Variants in PUS7L observed in about 807,000 individuals in gnomAD.
PUS7L encodes the protein pseudouridylate synthase PUS7L.
A neutral mutation model predicts 51.1 loss-of-function variants in PUS7L; 49 were observed. The observed-to-expected ratio is 0.96, with a 90% CI of 0.76 to 1.22. The LOEUF is 1.22. Among genes scored for constraint, PUS7L ranks in the 50% most tolerant of loss-of-function variants. The pLI, the probability that PUS7L is intolerant of heterozygous loss-of-function variation, is 0.00. For synonymous variants in PUS7L, 277 were observed against 276.2 expected (o/e 1.00, Z -0.03); for missense variants, 828 against 820.6 (o/e 1.01, Z -0.11).
rs954989437 is a variant in PUS7L, at chr12:43,742,548, C to T, written c.1271G>A (p.Gly424Asp). 3 of 1,596,910 alleles carry T rather than the reference C, an allele frequency of 1.9e-6. No individual in the cohort carries two copies. Among genetic ancestry groups the T allele is most frequent in the East Asian group, 2.3e-5 (1 of 44,430 alleles). ...MEAIENVKKK[G>D]FVNYYGPQRF... is the part of the protein sequence containing the mutation. ...CTGTGGTCCATAGTAATTCACAAAGCCTTTTTTCTATGTATACAAAATAAT... is the reference window on the plus strand; with the variant it reads ...CTGTGGTCCATAGTAATTCACAAAGTCTTTTTTCTATGTATACAAAATAAT... Residue 424 changes from glycine to aspartate, a missense_variant, in exon 5 of 9, where the codon GGC becomes GAC. Gly to Asp is a moderately conservative substitution (Grantham distance 94). Coordinates refer to ENST00000344862, the MANE Select transcript of PUS7L (RefSeq NM_031292.5).
chr12:43,754,236 T>C, intron 2 of PUS7L, 100 bp downstream of exon 2: 1 of 795,474 alleles, frequency 1.3e-6, no homozygotes, highest in South Asian at 2.1e-5. Context: ...AAATCATATA[T>C]TCTTTCCAAT....
chr12:43,730,808 C>G, intron 8 of PUS7L, 106 bp from the exon 9 acceptor site: 1 of 698,200 alleles, frequency 1.4e-6, no homozygotes, highest in Non-Finnish European at 2.4e-6. Flanking sequence ...TAAAAATAGT[C>G]TCAGAATATA....
Position 43,719,528 on chromosome 12 carries a change from A to ACT in PUS7L, c.*10847_*10848insAG, listed in dbSNP as rs1367427008. 6.6e-6 allele frequency: 1 copy of ACT among 152,130 alleles called. No individual in the cohort carries two copies. The highest frequency in any genetic ancestry group is 6.5e-5 in the Admixed American group (1 of 15,280). 9.4% of individuals were successfully genotyped at this position (152,130 alleles called of 1,614,324 possible). A position where few individuals can be genotyped will look rare whatever the true frequency, so the allele number is the denominator to read the frequency against. ...CTTCTTTATTTTTTCTAATCTCAGGAAAGTTTGTGTAGACTTGAATTATTA... is the reference window on the plus strand; with the variant it reads ...CTTCTTTATTTTTTCTAATCTCAGGACTAAGTTTGTGTAGACTTGAATTATTA... On this transcript the variant is annotated 3_prime_UTR_variant, in exon 9 of 9. Coordinates refer to ENST00000344862, the MANE Select transcript of PUS7L (RefSeq NM_031292.5).
intron 7 of PUS7L, among the ~76,000 whole-genome samples, chr12:43,732,113 C>T (rs1049755892): frequency 2.0e-5 from 3 of 151,920 alleles, no homozygotes; most frequent in Non-Finnish European, 2.9e-5. Context: ...ACCCACTACC[C>T]ACCCCCACTA....
At chr12:43,756,619 C>G (rs139412152) in intron 1 of PUS7L, among the ~76,000 whole-genome samples, 17 of 152,188 alleles carry the variant, frequency 1.1e-4, no homozygotes, top group African/African-American at 3.4e-4. Flanking sequence ...TGTCTTGGAC[C>G]CTCAAGTCCT....
At chr12:43,735,076 G>A (rs1049082988) in intron 7 of PUS7L, among the ~76,000 whole-genome samples, 2 of 152,140 alleles carry the variant, frequency 1.3e-5, no homozygotes, top group East Asian at 3.9e-4. Flanking sequence ...AGCACTTTGG[G>A]AGGCCGAGGC....
In PUS7L at chr12:43,754,913, G is replaced by T. The variant is rs765288836; in HGVS notation, c.333C>A (p.Ile111=). The change falls in exon 2 of 9, where the codon ATC becomes ATA. Residue 111 remains isoleucine, a synonymous_variant. Transcript: ENST00000344862. ...CTTCACATTTGGAAGTTCCATCAAC[G>T]ATAGTATCTTCCTTTTCTGAACCAG... ...HQSGSEKEDT[I]VDGTSKCEEK... The T allele has an allele frequency of 6.2e-7, 1 of 1,613,576 alleles. No homozygotes were observed. Among genetic ancestry groups the T allele is most frequent in the African/African-American group, 1.3e-5 (1 of 74,880 alleles).
At chr12:43,735,547 A>G (rs1249637282) in intron 7 of PUS7L, among the ~76,000 whole-genome samples, 1 of 151,984 alleles carries the variant, frequency 6.6e-6, no homozygotes, top group Admixed American at 6.6e-5. Context: ...TACCATTATA[A>G]AAATCATATT....
In PUS7L at chr12:43,748,555, G is replaced by C; in HGVS notation, c.965C>G (p.Ala322Gly). The change falls in exon 3 of 9, where the codon GCT (alanine) becomes GGT (glycine). Residue 322 changes from alanine to glycine, a missense_variant. Physicochemically the swap from Ala to Gly is moderately conservative, Grantham distance 60. Coordinates refer to ENST00000344862, the MANE Select transcript of PUS7L (RefSeq NM_031292.5). ...CGAAGGAATAACACCAAGTTTGATA[G>C]CTAAAAAACCAATCGCTTCAAACAT... ...LEMFEAIGFL[A>G]IKLGVIPSDF... The C allele has an allele frequency of 6.2e-7, 1 of 1,608,480 alleles. No homozygotes were observed. Among genetic ancestry groups the C allele is most frequent in the Non-Finnish European group, 8.5e-7 (1 of 1,178,542 alleles).
Position 43,730,558 on chromosome 12 carries a change from TATAGC to T in PUS7L, c.1919_1923del (p.Cys640Ter), listed in dbSNP as rs775452790. 25 of 1,613,782 alleles carry T rather than the reference TATAGC, an allele frequency of 1.5e-5. No individual in the cohort carries two copies. In the South Asian group the frequency reaches 2.6e-4, roughly 17 times the overall value. On this transcript the variant is annotated frameshift_variant, in exon 9 of 9. Transcript: ENST00000344862. LOFTEE classifies it low-confidence loss of function (END_TRUNC). Reference sequence around the variant, plus strand: ...TTACAGGGATGTTTCAAAATCTGTCTATAGCAACCTGGTATATTCAGTTTCAGAGT... The same window carrying T: ...TTACAGGGATGTTTCAAAATCTGTCTAACCTGGTATATTCAGTTTCAGAGT...
chr12:43,747,236 T>A (rs1487257783), intron 3 of PUS7L, among the ~76,000 whole-genome samples: 1 of 152,164 alleles, frequency 6.6e-6, no homozygotes, highest in Non-Finnish European at 1.5e-5. Flanking sequence ...TTATTTACAG[T>A]GAAAAGCTGG....
chr12:43,730,313 G>A lies in PUS7L; in HGVS notation c.*63C>T. On this transcript the variant is annotated 3_prime_UTR_variant, in exon 9 of 9. Coordinates refer to ENST00000344862, the MANE Select transcript of PUS7L (RefSeq NM_031292.5). ...TTCCTAACACATGGAAGGTGCTTAA[G>A]ACATTTTAGCCCCCTTTCCTTCAAA... The A allele has an allele frequency of 1.6e-6, 2 of 1,228,792 alleles. No individual in the cohort carries two copies. The highest frequency in any genetic ancestry group is 2.3e-6 in the Non-Finnish European group (2 of 859,004). 76.1% of individuals were successfully genotyped at this position (1,228,792 alleles called of 1,614,324 possible).
At chr12:43,736,753 A>G in intron 6 of PUS7L, 92 bp from the exon 7 acceptor site, 2 of 1,121,926 alleles carry the variant, frequency 1.8e-6, no homozygotes, top group Non-Finnish European at 2.6e-6. Context: ...TGAGGCAATG[A>G]ACATGGGTAT....
intron 5 of PUS7L, among the ~76,000 whole-genome samples, chr12:43,741,442 G>A (rs1344860355): frequency 6.6e-6 from 1 of 152,162 alleles, no homozygotes; most frequent in African/African-American, 2.4e-5. Flanking sequence ...TAAGCAACTT[G>A]GAAAAGTTAA....
rs893675548 is a variant in PUS7L, at chr12:43,720,791, C to T, written c.*9585G>A. 1 of 152,074 alleles carries T rather than the reference C, an allele frequency of 6.6e-6. No individual in the cohort carries two copies. Among genetic ancestry groups the T allele is most frequent in the African/African-American group, 2.4e-5 (1 of 41,420 alleles). 9.4% of individuals were successfully genotyped at this position (152,074 alleles called of 1,614,324 possible). A position where few individuals can be genotyped will look rare whatever the true frequency, so the allele number is the denominator to read the frequency against. On this transcript the variant is annotated 3_prime_UTR_variant, in exon 9 of 9. Coordinates refer to ENST00000344862, the MANE Select transcript of PUS7L (RefSeq NM_031292.5). ...GTTTTGCATATTCACTATGATGTAT[C>T]TCAATGTAGTTTTTTAATTTACACT...
At position 43,720,685 on chromosome 12, in the gene PUS7L, G is replaced by A. The variant is rs910089971; in HGVS notation, c.*9691C>T. 1 of 152,178 alleles carries A rather than the reference G, an allele frequency of 6.6e-6. No homozygotes were observed. The highest frequency in any genetic ancestry group is 1.5e-5 in the Non-Finnish European group (1 of 68,024). The allele number at this position is 152,178 out of a possible 1,614,324, so 9.4% of individuals were successfully genotyped here. On this transcript the variant is annotated 3_prime_UTR_variant, in exon 9 of 9. Coordinates refer to ENST00000344862, the MANE Select transcript of PUS7L (RefSeq NM_031292.5). ...GTCCCATGGATGCTTTAAAAGAATA[G>A]AGGTTCTGTGGCTGCTGAGTATATT...
At chr12:43,743,595 C>T (rs1052853158) in intron 4 of PUS7L, among the ~76,000 whole-genome samples, 1 of 152,054 alleles carries the variant, frequency 6.6e-6, no homozygotes, top group Admixed American at 6.6e-5. Flanking sequence ...AACCCTGTCT[C>T]TACTAAAAAT....
At position 43,730,720 on chromosome 12, in the gene PUS7L, GA is replaced by G. The variant is rs760912365; in HGVS notation, c.1780-19del. On this transcript the variant is annotated intron_variant, in intron 8 of 8. Transcript: ENST00000344862. ...AGAACCACCTGTGAAAGAAAAGAGG[GA>G]AAAAATATGAAAATAGCCTTCAAAA... The G allele has an allele frequency of 1.0e-5, 15 of 1,485,000 alleles. No homozygotes were observed. The African/African-American group carries it at 1.3e-4, about 13-fold the overall frequency. 92.0% of individuals were successfully genotyped at this position (1,485,000 alleles called of 1,614,324 possible).
At chr12:43,750,571 A>C (rs1938395083) in intron 2 of PUS7L, among the ~76,000 whole-genome samples, 1 of 152,236 alleles carries the variant, frequency 6.6e-6, no homozygotes. Flanking sequence ...ACTGAATTTT[A>C]AAATTCAATT....
Sources: gnomAD v4.1 joint callset for allele counts (sites outside exome capture counted in the v4.1 genomes callset) on GRCh38, gnomAD v4.1.1 for gene constraint, MANE v1.5 for transcripts, NCBI Gene and HGNC (gene_info 2026-07-23, HGNC 2026-07-21) for gene names.